Variants in RFC1 observed in about 807,000 individuals in gnomAD.
RFC1 encodes the protein A1 140 kDa subunit.
In RFC1, 37 loss-of-function variants were observed where a neutral mutation model predicts 137.4. The observed-to-expected ratio is 0.27, with a 90% confidence interval of 0.21 to 0.35. The LOEUF is 0.35. RFC1 is among the 10% of genes least tolerant of loss of function. RFC1 has a pLI of 1.00. For missense variants in RFC1, 1,205 were observed against 1,358.5 expected (o/e 0.89, Z 1.78); for synonymous variants, 429 against 455.7 (o/e 0.94, Z 0.75).
intron 2 of RFC1, among the ~76,000 whole-genome samples, chr4:39,346,717 T>C (rs751028517): frequency 6.6e-6 from 1 of 152,134 alleles, no homozygotes; most frequent in African/African-American, 2.4e-5. Context: ...AATGAGCAAT[T>C]ATAATTTATA....
chr4:39,317,159 C>T (rs1314571124), intron 9 of RFC1, 137 bp from the exon 10 acceptor site: 1 of 585,020 alleles, frequency 1.7e-6, no homozygotes, highest in Non-Finnish European at 3.0e-6. Context: ...TTTAGCTACA[C>T]AAGTACTTCC....
At chr4:39,354,646 T>G (rs1019559827) in intron 1 of RFC1, among the ~76,000 whole-genome samples, 4 of 150,144 alleles carry the variant, frequency 2.7e-5, no homozygotes, top group African/African-American at 7.4e-5. Context: ...AGCTGGGCAC[T>G]GTGGTGCACA....
At chr4:39,323,442 G>T in intron 6 of RFC1, 25 bp from the exon 7 acceptor site, 1 of 1,597,648 alleles carries the variant, frequency 6.3e-7, no homozygotes, top group Non-Finnish European at 8.6e-7. Flanking sequence ...AGCAAAGTGA[G>T]TTGAGTTGCT....
chr4:39,289,790 C>A (rs1185046735), intron 24 of RFC1, 58 bp downstream of exon 24: 1 of 1,180,284 alleles, frequency 8.5e-7, no homozygotes, highest in Admixed American at 1.7e-5. Flanking sequence ...CTATTATTCA[C>A]CAGGCAAGGA....
chr4:39,352,600 TA>T (rs1741263955), intron 1 of RFC1, among the ~76,000 whole-genome samples: 1 of 152,344 alleles, frequency 6.6e-6, no homozygotes, highest in African/African-American at 2.4e-5. Context: ...TTCTCCTCAG[TA>T]AAGTGGGACT....
chr4:39,323,578 G>C (rs976488960), intron 6 of RFC1, among the ~76,000 whole-genome samples, 161 bp from the exon 7 acceptor site: 11 of 152,168 alleles, frequency 7.2e-5, no homozygotes, highest in African/African-American at 1.4e-4. Context: ...AGTATCACAG[G>C]TTTGTTTCAC....
chr4:39,320,712 G>A, intron 8 of RFC1, 43 bp from the exon 9 acceptor site: 4 of 1,511,184 alleles, frequency 2.6e-6, no homozygotes, highest in Middle Eastern at 1.9e-4. Context: ...TTTGGAAAAT[G>A]ATAATCTATA....
intron 1 of RFC1, 76 bp from the exon 2 acceptor site, chr4:39,351,552 A>G: frequency 7.8e-7 from 1 of 1,290,146 alleles, no homozygotes. Flanking sequence ...AAGATGGGAC[A>G]GCTTTATGTA....
chr4:39,298,154 C>T (rs992347342), intron 21 of RFC1, among the ~76,000 whole-genome samples: 1 of 151,972 alleles, frequency 6.6e-6, no homozygotes, highest in Admixed American at 6.5e-5. Context: ...ACAACGAATA[C>T]AAAAATTAGC....
intron 15 of RFC1, 109 bp from the exon 16 acceptor site, chr4:39,303,260 CAAG>C: frequency 1.6e-6 from 1 of 612,934 alleles, no homozygotes. Flanking sequence ...TCAAAAGCTA[CAAG>C]AATATGCAGC....
chr4:39,343,896 T>C (rs1208284042), intron 3 of RFC1, among the ~76,000 whole-genome samples: 1 of 151,980 alleles, frequency 6.6e-6, no homozygotes, highest in East Asian at 1.9e-4. Flanking sequence ...CAAAATCACC[T>C]GAGGTCAGGA....
Position 39,321,339 on chromosome 4 carries a change from T to G in RFC1, c.756A>C (p.Ser252=). 6.2e-7 allele frequency: 1 copy of G among 1,613,922 alleles called. No individual in the cohort carries two copies. Among genetic ancestry groups the G allele is most frequent in the East Asian group, 2.2e-5 (1 of 44,850 alleles). ...RKDTEAGETF[S]SVQANLSKAE... is the part of the protein sequence containing the mutation. ...CTTTACTTAAATTGGCTTGGACAGA[T>G]GAAAACGTTTCTCCCGCTTCTGTGT... is the stretch of plus-strand genomic sequence containing the variant. Residue 252 remains serine, a synonymous_variant, in exon 8 of 25, where the codon TCA becomes TCC. Transcript: ENST00000349703.
At chr4:39,361,481 T>G (rs1044756991) in intron 1 of RFC1, among the ~76,000 whole-genome samples, 3 of 152,210 alleles carry the variant, frequency 2.0e-5, no homozygotes, top group African/African-American at 7.2e-5. Context: ...GCTTTCCCTC[T>G]AAAATCAGGA....
In RFC1 at chr4:39,308,977, C is replaced by A; in HGVS notation, c.1544G>T (p.Arg515Ile). 1 of 1,612,364 alleles carries A rather than the reference C, an allele frequency of 6.2e-7. No homozygotes were observed. Among genetic ancestry groups the A allele is most frequent in the Non-Finnish European group, 8.5e-7 (1 of 1,179,748 alleles). The change falls in exon 13 of 25, where the codon AGA (arginine) becomes ATA (isoleucine). Residue 515 changes from arginine to isoleucine, a missense_variant. Physicochemically the swap from Arg to Ile is moderately conservative, Grantham distance 97 (BLOSUM62 -3). Coordinates refer to ENST00000349703, the MANE Select transcript of RFC1 (RefSeq NM_002913.5). ...RTPQKNVQGKRKISPSKKESE... is the reference protein window; with the variant it reads ...RTPQKNVQGKIKISPSKKESE... The stretch of plus-strand genomic sequence containing the variant: ...TTCCTTTTTAGATGGACTAATTTTT[C>A]TTTTTCCTTGGACATTTTTTTGGGG...
intron 4 of RFC1, among the ~76,000 whole-genome samples, chr4:39,334,883 G>A (rs1449031276): frequency 3.3e-5 from 5 of 152,194 alleles, no homozygotes; most frequent in African/African-American, 4.8e-5. Context: ...GCCTGGGAGA[G>A]AAGATTGCTT....
chr4:39,346,018 C>T (rs777140573), intron 2 of RFC1, among the ~76,000 whole-genome samples: 10 of 152,104 alleles, frequency 6.6e-5, no homozygotes, highest in African/African-American at 1.9e-4. Flanking sequence ...TTACAGAAAA[C>T]GCTATATTAT....
chr4:39,320,429 TCTC>T lies in RFC1; in HGVS notation c.1046_1048del (p.Gly349del). 6.4e-7 allele frequency: 1 copy of T among 1,570,548 alleles called. No homozygotes were observed. The highest frequency in any genetic ancestry group is 8.6e-7 in the Non-Finnish European group (1 of 1,167,290). Reference sequence around the variant, plus strand: ...TTTGGTTTTCTTAGGAGTTTTTGTCTCTCCTTTCAATTTAATGGCATTTTCTTT... The same window carrying T: ...TTTGGTTTTCTTAGGAGTTTTTGTCTCTTTCAATTTAATGGCATTTTCTTT... On this transcript the variant is annotated inframe_deletion, in exon 9 of 25. Transcript: ENST00000349703.
chr4:39,287,889 A>C lies in RFC1; in HGVS notation c.*872T>G, dbSNP rs1046447285. Reference sequence around the variant, plus strand: ...AAGAGCCTGACCCAGCCTGGTTCCTACTGGTCTGAACCTGATGGGTTGAGA... The same window carrying C: ...AAGAGCCTGACCCAGCCTGGTTCCTCCTGGTCTGAACCTGATGGGTTGAGA... On this transcript the variant is annotated 3_prime_UTR_variant, in exon 25 of 25. Coordinates refer to ENST00000349703, the MANE Select transcript of RFC1 (RefSeq NM_002913.5). 1 of 152,158 alleles carries C rather than the reference A, an allele frequency of 6.6e-6. No individual in the cohort carries two copies. Among genetic ancestry groups the C allele is most frequent in the Non-Finnish European group, 1.5e-5 (1 of 68,036 alleles). The allele number at this position is 152,158 out of a possible 1,614,324, so 9.4% of individuals were successfully genotyped here.
intron 23 of RFC1, among the ~76,000 whole-genome samples, chr4:39,290,964 T>A (rs1356246763): frequency 6.6e-6 from 1 of 152,166 alleles, no homozygotes; most frequent in Non-Finnish European, 1.5e-5. Flanking sequence ...CTAAACATAA[T>A]TCCTGAATTA....
Sources: gnomAD v4.1 joint callset for allele counts (sites outside exome capture counted in the v4.1 genomes callset) on GRCh38, gnomAD v4.1.1 for gene constraint, MANE v1.5 for transcripts, NCBI Gene and HGNC (gene_info 2026-07-23, HGNC 2026-07-21) for gene names.